Variants in WNT8A observed in about 807,000 individuals in gnomAD.
The protein encoded by WNT8A is Wnt family member 8A.
A neutral mutation model predicts 20.5 loss-of-function variants in WNT8A; 14 were observed. The observed-to-expected ratio is 0.68, with a 90% CI of 0.45 to 1.07. The LOEUF is 1.07. Among genes scored for constraint, WNT8A ranks in the 50% least tolerant of loss-of-function variants. The probability of loss-of-function intolerance (pLI) is 0.00; values close to 1 mark genes in which losing one functional copy is unlikely to be tolerated. For synonymous variants in WNT8A, 167 were observed against 169.2 expected (o/e 0.99, Z 0.10); for missense variants, 397 against 462.9 (o/e 0.86, Z 1.31).
chr5:138,081,273 G>C (rs1295073318), upstream of WNT8A, among the ~76,000 whole-genome samples: 2 of 151,256 alleles, frequency 1.3e-5, no homozygotes, highest in Non-Finnish European at 2.9e-5. Context: ...TAGAATCTGA[G>C]CAGGAGCGAG....
chr5:138,077,760 G>A, the WNT8A span, among the ~76,000 whole-genome samples: 3 of 152,188 alleles, frequency 2.0e-5, no homozygotes, highest in Non-Finnish European at 4.4e-5. Context: ...GTGAAGATGA[G>A]GCCTCTGCCA....
chr5:138,080,444 G>GTTTTTTTGTTTTTTTTTT (rs750585385), upstream of WNT8A, among the ~76,000 whole-genome samples: 7 of 55,990 alleles, frequency 1.3e-4, no homozygotes, highest in African/African-American at 2.0e-4. Context: ...TGTAAATCTT[G>GTTTTTTTGTTTTTTTTTT]TTTTTTTTTT....
upstream of WNT8A, among the ~76,000 whole-genome samples, chr5:138,082,687 G>A (rs979413711): frequency 2.6e-5 from 4 of 151,744 alleles, no homozygotes; most frequent in Admixed American, 6.6e-5. Flanking sequence ...AGACCATCCC[G>A]GCCAACATGG....
chr5:138,083,736 A>G (rs926117620), upstream of WNT8A, among the ~76,000 whole-genome samples: 1 of 152,208 alleles, frequency 6.6e-6, no homozygotes, highest in East Asian at 1.9e-4. Context: ...TCTGGCCTAC[A>G]TGATTCTGAG....
At chr5:138,081,174 G>A (rs1485011969), upstream of WNT8A, among the ~76,000 whole-genome samples, 1 of 150,908 alleles carries the variant, frequency 6.6e-6, no homozygotes, top group African/African-American at 2.4e-5. Flanking sequence ...TGCAGTGAGC[G>A]GAGATCGCGC....
chr5:138,090,477 C>A (rs1156717872), intron 4 of WNT8A, 51 bp from the exon 5 acceptor site: 10 of 1,516,218 alleles, frequency 6.6e-6, no homozygotes, highest in Non-Finnish European at 9.0e-6. Flanking sequence ...AATCACTAAC[C>A]TTTGGTCTTC....
intron 3 of WNT8A, 90 bp from the exon 4 acceptor site, chr5:138,088,837 T>G: frequency 6.5e-7 from 1 of 1,526,980 alleles, no homozygotes; most frequent in Non-Finnish European, 8.8e-7. Flanking sequence ...AGCCATAGCT[T>G]TACACTCTAG....
intron 3 of WNT8A, among the ~76,000 whole-genome samples, chr5:138,088,621 G>T (rs1049879934): frequency 6.6e-6 from 1 of 152,134 alleles, no homozygotes; most frequent in African/African-American, 2.4e-5. Flanking sequence ...CTCCCAAAGT[G>T]CTGGGATTAC....
At chr5:138,088,530 G>A (rs1750745256) in intron 3 of WNT8A, among the ~76,000 whole-genome samples, 1 of 151,998 alleles carries the variant, frequency 6.6e-6, no homozygotes, top group Non-Finnish European at 1.5e-5. Flanking sequence ...CTAATTTTTT[G>A]TATTTTTAGT....
At chr5:138,082,570 C>T (rs1457166215), upstream of WNT8A, among the ~76,000 whole-genome samples, 1 of 151,536 alleles carries the variant, frequency 6.6e-6, no homozygotes, top group African/African-American at 2.4e-5. Context: ...AAGAGTGAAA[C>T]TCTGCCTCAA....
chr5:138,082,450 A>G (rs1379431344), upstream of WNT8A, among the ~76,000 whole-genome samples: 2 of 152,182 alleles, frequency 1.3e-5, no homozygotes, highest in Non-Finnish European at 2.9e-5. Context: ...ATGGTGGCAC[A>G]TGCCTGTAAT....
At position 138,089,076 on chromosome 5, in the gene WNT8A, A is replaced by G. The variant is rs1370355018; in HGVS notation, c.564+7A>G. The G allele has an allele frequency of 1.2e-6, 2 of 1,612,080 alleles. No individual in the cohort carries two copies. The highest frequency in any genetic ancestry group is 1.7e-6 in the Non-Finnish European group (2 of 1,179,366). The stretch of plus-strand genomic sequence containing the variant: ...CAACAGGGCCGGCAGACTGGTGGGT[A>G]TAGGCATTGTGGCCAGTATTTCTAC... On this transcript the variant is annotated splice_region_variant and intron_variant, in intron 4 of 4. Transcript: ENST00000506684.
At chr5:138,088,010 A>G in intron 3 of WNT8A, 79 bp downstream of exon 3, 3 of 1,577,416 alleles carry the variant, frequency 1.9e-6, no homozygotes, top group Admixed American at 1.7e-5. Context: ...TTCCAGAGAA[A>G]GGCTGAGGGA....
At chr5:138,083,836 TG>T (rs958738525), upstream of WNT8A, 1 of 423,672 alleles carries the variant, frequency 2.4e-6, no homozygotes, top group African/African-American at 2.0e-5. Flanking sequence ...CTTCTCATTC[TG>T]GGAGGGAAGA....
chr5:138,079,335 A>AATTATATAATAATTATATAT (rs1750446657), upstream of WNT8A, among the ~76,000 whole-genome samples: 1 of 141,388 alleles, frequency 7.1e-6, no homozygotes, highest in Admixed American at 7.1e-5. Context: ...TAATTATATA[A>AATTATATAATAATTATATAT]TAATTATATA....
At chr5:138,088,648 G>A (rs1750748908) in intron 3 of WNT8A, among the ~76,000 whole-genome samples, 2 of 152,134 alleles carry the variant, frequency 1.3e-5, no homozygotes, top group Admixed American at 6.6e-5. Flanking sequence ...GAGCCACCAC[G>A]CCTGGCCAAG....
At chr5:138,083,005 C>T (rs1025098325), upstream of WNT8A, among the ~76,000 whole-genome samples, 3 of 151,986 alleles carry the variant, frequency 2.0e-5, no homozygotes, top group Non-Finnish European at 2.9e-5. Context: ...ATCAGGGCCA[C>T]GCCCAGTGGC....
At chr5:138,091,875 A>AAC (rs1561579115), downstream of WNT8A, among the ~76,000 whole-genome samples, 5 of 147,516 alleles carry the variant, frequency 3.4e-5, no homozygotes, top group East Asian at 2.0e-4. Flanking sequence ...AAATAAATAA[A>AAC]TAATAAAGAG....
At chr5:138,089,191 C>T in intron 4 of WNT8A, 122 bp downstream of exon 4, 1 of 1,379,142 alleles carries the variant, frequency 7.3e-7, no homozygotes, top group Non-Finnish European at 9.8e-7. Flanking sequence ...GAGATGGCTA[C>T]CCGCATTCTC....
Sources: allele counts gnomAD v4.1 joint callset (sites outside exome capture counted in the v4.1 genomes callset), GRCh38; gene constraint gnomAD v4.1.1; transcripts MANE v1.5; gene names NCBI Gene and HGNC (gene_info 2026-07-23, HGNC 2026-07-21).